NXPH1: variants seen among roughly 807,000 people sequenced by gnomAD.
The protein encoded by NXPH1 is neurexophilin-1.
A neutral mutation model predicts 23.7 loss-of-function variants in NXPH1; 5 were observed. The observed-to-expected ratio is 0.21, with a 90% CI of 0.11 to 0.44. The LOEUF (loss-of-function observed/expected upper bound fraction) is 0.44, where lower values mean the gene tolerates loss of function less well. Ranked by LOEUF, NXPH1 falls within the 20% of genes least tolerant of loss-of-function variation. NXPH1 has a pLI of 0.99. For synonymous variants in NXPH1, 144 were observed against 122.2 expected (o/e 1.18, Z -1.18); for missense variants, 324 against 321.6 (o/e 1.01, Z -0.06).
In NXPH1 at chr7:8,435,436, C is replaced by G; in HGVS notation, c.-110-168C>G. On this transcript the variant is annotated intron_variant, in intron 1 of 2. Transcript: ENST00000405863. This position sits in a 1 kb window ranked among gnomAD's most constrained non-coding sequence, Gnocchi z 5.9. Reference sequence around the variant, plus strand: ...CCCGCCTCCCCAGCTGCGGACCGCGCGCTTGCTGGTCTCAGGCGCTGGATT... The same window carrying G: ...CCCGCCTCCCCAGCTGCGGACCGCGGGCTTGCTGGTCTCAGGCGCTGGATT... 3 of 521,036 alleles carry G rather than the reference C, an allele frequency of 5.8e-6. No individual in the cohort carries two copies. The South Asian group carries it at 6.6e-5, about 12-fold the overall frequency. The allele number at this position is 521,036 out of a possible 1,614,324, so 32.3% of individuals were successfully genotyped here. A position where few individuals can be genotyped will look rare whatever the true frequency, so the allele number is the denominator to read the frequency against.
intron 2 of NXPH1, among the ~76,000 whole-genome samples, chr7:8,692,086 A>G (rs908815867): frequency 1.3e-5 from 2 of 151,688 alleles, no homozygotes; most frequent in African/African-American, 2.4e-5. Flanking sequence ...ATGGTCAGGG[A>G]GGTTGGAGTG....
At chr7:8,713,747 A>T (rs1030228965) in intron 2 of NXPH1, among the ~76,000 whole-genome samples, 1 of 152,210 alleles carries the variant, frequency 6.6e-6, no homozygotes. Flanking sequence ...CTTGGATAAG[A>T]TCCAGAAGAA....
chr7:8,505,387 T>C (rs1179400647), intron 2 of NXPH1, among the ~76,000 whole-genome samples: 2 of 151,976 alleles, frequency 1.3e-5, no homozygotes, highest in Non-Finnish European at 2.9e-5. Context: ...TGCTCTATAA[T>C]TTGCCCCAGA....
chr7:8,728,499 T>C lies in NXPH1; in HGVS notation c.55-22509T>C, dbSNP rs1780095375. Among the ~76,000 whole-genome samples, 3 of 152,330 alleles carry C rather than the reference T, an allele frequency of 2.0e-5. No individual in the cohort carries two copies. The South Asian group carries it at 6.2e-4, about 32-fold the overall frequency. On this transcript the variant is annotated intron_variant, in intron 2 of 2. Coordinates refer to ENST00000405863, the MANE Select transcript of NXPH1 (RefSeq NM_152745.3). ...TTTGTCATAGATAGCTTTTATTATT[T>C]TGAAATATGTCCCATCCATACTTAA... is the stretch of plus-strand genomic sequence containing the variant.
At chr7:8,601,968 T>C (rs530033501) in intron 2 of NXPH1, among the ~76,000 whole-genome samples, 2 of 152,230 alleles carry the variant, frequency 1.3e-5, no homozygotes, top group Non-Finnish European at 2.9e-5. Context: ...TTAAATACTT[T>C]TATGACTTTC....
intron 2 of NXPH1, among the ~76,000 whole-genome samples, chr7:8,631,771 C>T (rs115966865): frequency 0.018 from 2,683 of 152,216 alleles, 78 homozygotes; most frequent in African/African-American, 0.062. Context: ...AGGTGTCAAT[C>T]CATTTAATTC....
chr7:8,484,203 A>T (rs1224688872), intron 2 of NXPH1, among the ~76,000 whole-genome samples: 1 of 152,104 alleles, frequency 6.6e-6, no homozygotes, highest in Non-Finnish European at 1.5e-5. Context: ...AATCTCACAT[A>T]GTCATAGTTG....
At chr7:8,696,733 C>T (rs532979629) in intron 2 of NXPH1, among the ~76,000 whole-genome samples, 1 of 149,944 alleles carries the variant, frequency 6.7e-6, no homozygotes, top group Non-Finnish European at 1.5e-5. Flanking sequence ...CCCAGCTACT[C>T]GGGAGGCTGA....
chr7:8,721,120 C>G (rs1413753595), intron 2 of NXPH1, among the ~76,000 whole-genome samples: 2 of 152,114 alleles, frequency 1.3e-5, no homozygotes, highest in Admixed American at 1.3e-4. Context: ...TTTGATAGTT[C>G]TACTGTGGTT....
chr7:8,527,132 TG>T (rs1405585195), intron 2 of NXPH1, among the ~76,000 whole-genome samples: 2 of 152,224 alleles, frequency 1.3e-5, no homozygotes, highest in Non-Finnish European at 2.9e-5. Context: ...CTCTCATTAG[TG>T]GCCAAAGTAA....
chr7:8,480,759 T>C (rs112531303), intron 2 of NXPH1, among the ~76,000 whole-genome samples: 10 of 152,224 alleles, frequency 6.6e-5, no homozygotes, highest in African/African-American at 2.4e-4. Flanking sequence ...AGAAGAAAAA[T>C]GAGTCACCAA....
intron 2 of NXPH1, among the ~76,000 whole-genome samples, chr7:8,443,898 T>C (rs1461119119): frequency 6.6e-6 from 1 of 152,080 alleles, no homozygotes; most frequent in Non-Finnish European, 1.5e-5. Flanking sequence ...ACACTCATTC[T>C]CACACAACGT....
At chr7:8,605,893 T>G (rs1037678046) in intron 2 of NXPH1, among the ~76,000 whole-genome samples, 7 of 152,152 alleles carry the variant, frequency 4.6e-5, no homozygotes, top group Non-Finnish European at 1.0e-4. Flanking sequence ...CCAGAGACTG[T>G]AGTTTGGAGT....
chr7:8,665,215 A>G (rs1820741371), intron 2 of NXPH1, among the ~76,000 whole-genome samples: 1 of 152,000 alleles, frequency 6.6e-6, no homozygotes, highest in Non-Finnish European at 1.5e-5. Flanking sequence ...TAAGATAAGG[A>G]TCTAATTTCC....
rs538610329 is a variant in NXPH1 at position 8,545,342 on chromosome 7, A to G, written c.54+109575A>G. Reference sequence around the variant, plus strand: ...GTACATGCCTGTGCTGCATATCTACAGTAGAAATTGTAATTATTTATGTTG... The same window carrying G: ...GTACATGCCTGTGCTGCATATCTACGGTAGAAATTGTAATTATTTATGTTG... On this transcript the variant is annotated intron_variant, in intron 2 of 2. Transcript: ENST00000405863. Among the ~76,000 whole-genome samples, 18 of 151,636 alleles carry G rather than the reference A, an allele frequency of 1.2e-4. No individual in the cohort carries two copies. In the South Asian group the frequency reaches 3.7e-3, roughly 31 times the overall value.
intron 2 of NXPH1, among the ~76,000 whole-genome samples, chr7:8,438,635 T>C (rs1351737866): frequency 1.3e-5 from 2 of 152,320 alleles, no homozygotes; most frequent in East Asian, 3.9e-4. Context: ...TCTAGTTATC[T>C]CCTAAAGAAA....
At chr7:8,710,640 GTTTTTTGTTTTTTTTTTTTTT>G (rs1193612018) in intron 2 of NXPH1, among the ~76,000 whole-genome samples, 1 of 27,672 alleles carries the variant, frequency 3.6e-5, no homozygotes, top group African/African-American at 1.6e-4. Flanking sequence ...CAACTGTTAC[GTTTTTTGTTTTTTTTTTTTTT>G]TTTTTTTTTT....
chr7:8,729,015 G>T (rs1318257412), intron 2 of NXPH1, among the ~76,000 whole-genome samples: 1 of 151,676 alleles, frequency 6.6e-6, no homozygotes, highest in Middle Eastern at 3.2e-3. Context: ...CACAATTTCA[G>T]ATCCTGTTAT....
chr7:8,646,577 G>A lies in NXPH1; in HGVS notation c.55-104431G>A, dbSNP rs192778564. On this transcript the variant is annotated intron_variant, in intron 2 of 2. Transcript: ENST00000405863. ...GACTATAGGCTTTGTTGTACTATTT[G>A]TAGTTATATTTTATCAAGTTCAAGC... 2.0e-5 allele frequency among the ~76,000 whole-genome samples: 3 copies of A among 152,126 alleles called. No individual in the cohort carries two copies. The East Asian group carries it at 5.8e-4, about 29-fold the overall frequency.
Sources: gnomAD v4.1 joint callset for allele counts (sites outside exome capture counted in the v4.1 genomes callset) on GRCh38, gnomAD v4.1.1 for gene constraint, Gnocchi (gnomAD v3.1) non-coding constraint, MANE v1.5 for transcripts, NCBI Gene and HGNC (gene_info 2026-07-23, HGNC 2026-07-21) for gene names.